The following AP3B1 variants were observed in gnomAD, a reference collection of about 807,000 sequenced individuals.
The protein encoded by AP3B1 is adaptor related protein complex 3 subunit beta 1.
Under a neutral mutation model 132.5 loss-of-function variants are expected in AP3B1, and 61 were observed. That is an observed-to-expected ratio of 0.46 (90% CI 0.37 to 0.57). The LOEUF (loss-of-function observed/expected upper bound fraction) is 0.57, where lower values mean the gene tolerates loss of function less well. Ranked by LOEUF, AP3B1 falls within the 20% of genes least tolerant of loss-of-function variation. The probability of loss-of-function intolerance (pLI) is 0.00; values close to 1 mark genes in which losing one functional copy is unlikely to be tolerated. For missense variants in AP3B1, 1,120 were observed against 1,289.4 expected, an observed-to-expected ratio of 0.87 and a Z score of 2.01; for synonymous variants, 388 against 438.3, an observed-to-expected ratio of 0.89 and a Z score of 1.43.
intron 20 of AP3B1, among the ~76,000 whole-genome samples, chr5:78,102,955 A>G (rs547902351): frequency 6.6e-6 from 1 of 152,340 alleles, no homozygotes; most frequent in East Asian, 1.9e-4. Flanking sequence ...CCTAGAACAG[A>G]GAGAAAAAAG....
chr5:78,119,643 A>C (rs1338129309), intron 17 of AP3B1, among the ~76,000 whole-genome samples: 1 of 152,210 alleles, frequency 6.6e-6, no homozygotes, highest in African/African-American at 2.4e-5. Context: ...TTAGAGAAAA[A>C]AGAACAAAAA....
intron 7 of AP3B1, among the ~76,000 whole-genome samples, chr5:78,186,212 G>A (rs1258322942): frequency 2.0e-5 from 3 of 152,222 alleles, no homozygotes; most frequent in Admixed American, 6.5e-5. Flanking sequence ...TACATAGCAT[G>A]CTAATATTAA....
intron 20 of AP3B1, among the ~76,000 whole-genome samples, chr5:78,106,824 A>G (rs185395303): frequency 6.6e-6 from 1 of 152,338 alleles, no homozygotes; most frequent in Non-Finnish European, 1.5e-5. Context: ...GGGAGAATGA[A>G]AAGAATGCTG....
At chr5:78,223,345 GA>G (rs1407384413) in intron 6 of AP3B1, among the ~76,000 whole-genome samples, 1 of 151,780 alleles carries the variant, frequency 6.6e-6, no homozygotes, top group Non-Finnish European at 1.5e-5. Context: ...AACACTTTAG[GA>G]AAAATGAGTG....
intron 3 of AP3B1, among the ~76,000 whole-genome samples, chr5:78,239,337 G>A (rs951642307): frequency 4.6e-5 from 7 of 151,450 alleles, no homozygotes; most frequent in Admixed American, 1.3e-4. Context: ...TGGACATGGT[G>A]GCATGCACCT....
At chr5:78,193,740 T>TATATATATATATATCTATA (rs1561469382) in intron 7 of AP3B1, among the ~76,000 whole-genome samples, 75 of 41,664 alleles carry the variant, frequency 1.8e-3, no homozygotes, top group Admixed American at 4.5e-3. Context: ...TTGTATATAT[T>TATATATATATATATCTATA]TTTTTATATA....
At position 78,080,472 on chromosome 5, in the gene AP3B1, C is replaced by CTT. The variant is rs950808310; in HGVS notation, c.2577+8919_2577+8920dup. On this transcript the variant is annotated intron_variant, in intron 22 of 26. Transcript: ENST00000255194. ...AATTTTCTTTTTTTTTTTTCTTTTT[C>CTT]TTTTTTTTTTGCTCTTACAATGTGT... Among the ~76,000 whole-genome samples, 625 of 117,896 alleles carry CTT rather than the reference C, an allele frequency of 5.3e-3. 3 individuals carry two copies. Among genetic ancestry groups the CTT allele is most frequent in the African/African-American group, 0.017 (577 of 33,034 alleles). The allele number at this position is 117,896 out of a possible 152,430, so 77.3% of individuals were successfully genotyped here.
intron 1 of AP3B1, among the ~76,000 whole-genome samples, chr5:78,279,802 TAA>T (rs1447397208): frequency 2.8e-5 from 4 of 144,756 alleles, no homozygotes; most frequent in African/African-American, 9.9e-5. Context: ...TATTATATAT[TAA>T]GTCCTATATA....
At chr5:78,000,540 A>G (rs567656033), downstream of AP3B1, 29 of 152,358 alleles carry the variant, frequency 1.9e-4, no homozygotes, top group Admixed American at 3.9e-4. Flanking sequence ...AAGGACAAGT[A>G]TACAGTATTT....
intron 26 of AP3B1, among the ~76,000 whole-genome samples, chr5:78,013,950 T>A (rs1561353491): frequency 6.6e-6 from 1 of 152,078 alleles, no homozygotes; most frequent in Non-Finnish European, 1.5e-5. Context: ...GATCATGAGG[T>A]CAGGAGATCG....
chr5:78,020,578 C>T, intron 25 of AP3B1, 114 bp downstream of exon 25: 2 of 796,426 alleles, frequency 2.5e-6, no homozygotes, highest in Non-Finnish European at 4.2e-6. Context: ...GAAGATTGTG[C>T]ACTAATATCT....
chr5:78,004,567 T>G (rs1746315798), intron 26 of AP3B1, among the ~76,000 whole-genome samples: 1 of 152,230 alleles, frequency 6.6e-6, no homozygotes, highest in Admixed American at 6.5e-5. Flanking sequence ...AATAAAATCA[T>G]GAACTAGGTT....
intron 26 of AP3B1, among the ~76,000 whole-genome samples, chr5:78,011,041 C>CTTTTTT (rs11301750): frequency 1.5e-5 from 2 of 129,364 alleles, no homozygotes; most frequent in African/African-American, 3.0e-5. Context: ...CTGTATCTCT[C>CTTTTTT]TTTTTTTTTT....
chr5:78,058,986 C>T (rs1482763479), intron 22 of AP3B1, among the ~76,000 whole-genome samples: 1 of 152,190 alleles, frequency 6.6e-6, no homozygotes, highest in Non-Finnish European at 1.5e-5. Flanking sequence ...AAAACAGCCC[C>T]TTCAAAGATG....
chr5:78,095,279 A>T (rs915652052), intron 21 of AP3B1, among the ~76,000 whole-genome samples: 2 of 152,236 alleles, frequency 1.3e-5, no homozygotes, highest in Non-Finnish European at 2.9e-5. Context: ...TCTTCCTGGT[A>T]TGCACTGTGT....
At chr5:78,200,238 A>AG (rs1418787896) in intron 7 of AP3B1, among the ~76,000 whole-genome samples, 3 of 151,632 alleles carry the variant, frequency 2.0e-5, no homozygotes, top group South Asian at 2.1e-4. Context: ...AAGCAGGGGG[A>AG]GGGGGGACAA....
At chr5:78,250,027 G>A (rs1001762373) in intron 2 of AP3B1, among the ~76,000 whole-genome samples, 1 of 152,128 alleles carries the variant, frequency 6.6e-6, no homozygotes, top group Non-Finnish European at 1.5e-5. Flanking sequence ...TTCTGCAGGG[G>A]TATGGTTCAC....
At chr5:78,033,511 AT>A (rs1408148868) in intron 24 of AP3B1, among the ~76,000 whole-genome samples, 2 of 152,080 alleles carry the variant, frequency 1.3e-5, no homozygotes, top group Admixed American at 1.3e-4. Flanking sequence ...TAAAATGTCT[AT>A]TTCTAAAACT....
At chr5:78,212,929 G>A (rs1745804329) in intron 7 of AP3B1, among the ~76,000 whole-genome samples, 2 of 152,116 alleles carry the variant, frequency 1.3e-5, no homozygotes, top group South Asian at 2.1e-4. Flanking sequence ...CCAGGCTGGA[G>A]TGCAGTGGTG....
Sources: gnomAD v4.1 joint callset for allele counts (sites outside exome capture counted in the v4.1 genomes callset) on GRCh38, gnomAD v4.1.1 for gene constraint, MANE v1.5 for transcripts, NCBI Gene and HGNC (gene_info 2026-07-23, HGNC 2026-07-21) for gene names.